XKR9: variants seen among roughly 807,000 people sequenced by gnomAD.
XKR9 encodes XK related 9, also known as XK-related protein 9.
Under a neutral mutation model 32.0 loss-of-function variants are expected in XKR9, and 32 were observed. The observed-to-expected ratio is 1.00, with a 90% CI of 0.76 to 1.34. The LOEUF (loss-of-function observed/expected upper bound fraction) is 1.34, where lower values mean the gene tolerates loss of function less well. Ranked by LOEUF, XKR9 falls within the 40% of genes most tolerant of loss-of-function variation. The pLI is 0.00. For synonymous variants in XKR9, 168 were observed against 143.4 expected (o/e 1.17, Z -1.22); for missense variants, 546 against 429.7 (o/e 1.27, Z -2.39).
intron 2 of XKR9, among the ~76,000 whole-genome samples, chr8:70,760,297 A>C (rs137892241): frequency 1.3e-5 from 2 of 152,324 alleles, no homozygotes; most frequent in East Asian, 3.9e-4. Flanking sequence ...CTTTATTTGT[A>C]ATATTCAGCT....
chr8:70,701,608 G>A (rs1364335322), intron 3 of XKR9, among the ~76,000 whole-genome samples: 2 of 152,148 alleles, frequency 1.3e-5, no homozygotes, highest in African/African-American at 4.8e-5. Flanking sequence ...AATTAGAACA[G>A]TTCATAAAAA....
rs376561467 is a variant in XKR9, at chr8:70,762,080, A to G, written n.353-27259A>G. Among the ~76,000 whole-genome samples, 12 of 152,214 alleles carry G rather than the reference A, an allele frequency of 7.9e-5. No individual in the cohort carries two copies. In the East Asian group the frequency reaches 1.2e-3, roughly 15 times the overall value. On this transcript the variant is annotated intron_variant and non_coding_transcript_variant, in intron 2 of 3. Transcript: ENST00000520273. ...ACGTGTCTGTTCTTGTACCAGTACC[A>G]TGCTGTTTTGGTTACTGTAGCCCTG... is the stretch of plus-strand genomic sequence containing the variant.
chr8:71,057,037 A>T, the XKR9 span, among the ~76,000 whole-genome samples: 1 of 152,156 alleles, frequency 6.6e-6, no homozygotes, highest in African/African-American at 2.4e-5. Flanking sequence ...TGGCCATGAA[A>T]GATCCTCTAG....
the XKR9 span, among the ~76,000 whole-genome samples, chr8:70,942,949 A>G: frequency 5.9e-5 from 9 of 152,262 alleles, no homozygotes; most frequent in South Asian, 1.9e-3. Flanking sequence ...TATTTTTAGT[A>G]AGCGTGTGTC....
At chr8:70,755,489 G>A (rs1807208585) in intron 2 of XKR9, among the ~76,000 whole-genome samples, 1 of 152,118 alleles carries the variant, frequency 6.6e-6, no homozygotes, top group African/African-American at 2.4e-5. Context: ...ATTCACAATA[G>A]CAAAGACTTG....
At chr8:70,689,046 A>G (rs1187806601) in intron 3 of XKR9, among the ~76,000 whole-genome samples, 21 of 152,166 alleles carry the variant, frequency 1.4e-4, no homozygotes, top group Non-Finnish European at 1.5e-5. Context: ...ATCCCAACAC[A>G]CAGAACAAAA....
chr8:70,774,739 G>A (rs1807497061), intron 2 of XKR9, among the ~76,000 whole-genome samples: 1 of 152,074 alleles, frequency 6.6e-6, no homozygotes, highest in African/African-American at 2.4e-5. Flanking sequence ...TTATTGGGCT[G>A]TCTATTTTAT....
the XKR9 span, among the ~76,000 whole-genome samples, chr8:70,959,704 C>G: frequency 6.6e-6 from 1 of 152,114 alleles, no homozygotes; most frequent in Non-Finnish European, 1.5e-5. Flanking sequence ...TTTTGAGGAG[C>G]ATAGTTCTTA....
At chr8:70,895,283 C>A in the XKR9 span, among the ~76,000 whole-genome samples, 1 of 152,098 alleles carries the variant, frequency 6.6e-6, no homozygotes, top group Non-Finnish European at 1.5e-5. Flanking sequence ...TCTGTGCTTA[C>A]CAGGGTTTTT....
the XKR9 span, among the ~76,000 whole-genome samples, chr8:70,882,873 C>A: frequency 1.3e-5 from 2 of 151,172 alleles, no homozygotes; most frequent in Non-Finnish European, 2.9e-5. Context: ...TCTAGTATCA[C>A]GCAGAATAGT....
At chr8:71,047,924 G>A in the XKR9 span, among the ~76,000 whole-genome samples, 1 of 152,212 alleles carries the variant, frequency 6.6e-6, no homozygotes, top group Non-Finnish European at 1.5e-5. Context: ...CATTAGCTTT[G>A]ATTTAAACAA....
At chr8:71,026,473 G>A in the XKR9 span, among the ~76,000 whole-genome samples, 2 of 152,170 alleles carry the variant, frequency 1.3e-5, no homozygotes, top group African/African-American at 4.8e-5. Flanking sequence ...TAGGAAGCAA[G>A]TTATTAGTGT....
chr8:70,889,028 G>A, the XKR9 span, among the ~76,000 whole-genome samples: 39 of 151,864 alleles, frequency 2.6e-4, no homozygotes, highest in Non-Finnish European at 5.0e-4. Context: ...TGAAGCCGCA[G>A]ATTGCTTTTG....
the XKR9 span, among the ~76,000 whole-genome samples, chr8:70,932,271 C>G: frequency 2.0e-5 from 3 of 151,792 alleles, no homozygotes; most frequent in Non-Finnish European, 2.9e-5. Context: ...TAAATAAGGG[C>G]AGCAATGGAG....
chr8:70,696,343 T>G (rs1247033310), intron 3 of XKR9, among the ~76,000 whole-genome samples: 2 of 152,224 alleles, frequency 1.3e-5, no homozygotes, highest in African/African-American at 4.8e-5. Flanking sequence ...TTAATCCATC[T>G]TGAATTAATT....
the XKR9 span, among the ~76,000 whole-genome samples, chr8:70,869,633 A>G: frequency 6.6e-6 from 1 of 152,138 alleles, no homozygotes; most frequent in Non-Finnish European, 1.5e-5. Context: ...ACTGTATCTC[A>G]CTGTCTCAGA....
chr8:71,021,094 G>A, the XKR9 span, among the ~76,000 whole-genome samples: 1 of 152,106 alleles, frequency 6.6e-6, no homozygotes, highest in African/African-American at 2.4e-5. Flanking sequence ...TGGTGAGAGA[G>A]GAAGCAACAG....
At chr8:70,822,029 C>G in the XKR9 span, among the ~76,000 whole-genome samples, 1 of 152,150 alleles carries the variant, frequency 6.6e-6, no homozygotes, top group East Asian at 1.9e-4. Flanking sequence ...ATTTTCCAAA[C>G]TTTTATGTGC....
chr8:70,745,485 G>A (rs2130172599), intron 2 of XKR9, among the ~76,000 whole-genome samples: 1 of 152,136 alleles, frequency 6.6e-6, no homozygotes, highest in East Asian at 1.9e-4. Flanking sequence ...TCAACCTTTA[G>A]TGTGCATCAG....
Sources: allele counts gnomAD v4.1 joint callset (sites outside exome capture counted in the v4.1 genomes callset), GRCh38; gene constraint gnomAD v4.1.1; transcripts MANE v1.5; gene names NCBI Gene and HGNC (gene_info 2026-07-23, HGNC 2026-07-21).